The following PRKX variants were observed in gnomAD, a reference collection of about 807,000 sequenced individuals.
The protein encoded by PRKX is protein kinase cAMP-dependent X-linked catalytic subunit, also known as cAMP-dependent protein kinase catalytic subunit PRKX.
Under a neutral mutation model 22.0 loss-of-function variants are expected in PRKX, and 12 were observed. That is an observed-to-expected ratio of 0.54 (90% CI 0.35 to 0.88). PRKX has a LOEUF of 0.88. PRKX is among the 40% of genes least tolerant of loss of function. The probability of loss-of-function intolerance (pLI) is 0.01; values close to 1 mark genes in which losing one functional copy is unlikely to be tolerated. For synonymous variants in PRKX, 134 were observed against 137.7 expected (o/e 0.97, Z 0.19); for missense variants, 217 against 308.0 (o/e 0.70, Z 2.21).
chrX:3,623,086 A>G (rs1468244140), intron 5 of PRKX, among the ~76,000 whole-genome samples: 2 of 88,513 alleles, frequency 2.3e-5, no homozygotes, highest in Non-Finnish European at 5.0e-5. Flanking sequence ...GGTGTAAATT[A>G]TAGGGGGGAA....
In PRKX at chrX:3,624,588, C is replaced by CAT. The variant is rs758867008; in HGVS notation, c.815+1829_815+1830dup. On this transcript the variant is annotated intron_variant, in intron 5 of 8. Transcript: ENST00000262848. The stretch of plus-strand genomic sequence containing the variant: ...TCCACAGAACATTGGAAACCCCCCC[C>CAT]ATATATATATATAATTATATCTTTT... Among the ~76,000 whole-genome samples, 23 of 109,431 alleles carry CAT rather than the reference C, an allele frequency of 2.1e-4. No homozygotes were observed. In the South Asian group the frequency reaches 3.1e-3, roughly 15 times the overall value.
rs1926646039 is a variant in PRKX, at chrX:3,625,664, TG to T, written c.815+754del. Among the ~76,000 whole-genome samples, 5 of 110,881 alleles carry T rather than the reference TG, an allele frequency of 4.5e-5. No individual in the cohort carries two copies. In the Middle Eastern group the frequency reaches 0.014, roughly 308 times the overall value. Reference sequence around the variant, plus strand: ...TCAGCTCACTGCAACCTCCGCCTCCTGGGTTCAAGCGATTCCGCTGTCTCAG... The same window carrying T: ...TCAGCTCACTGCAACCTCCGCCTCCTGGTTCAAGCGATTCCGCTGTCTCAG... On this transcript the variant is annotated intron_variant, in intron 5 of 8. Coordinates refer to ENST00000262848, the MANE Select transcript of PRKX (RefSeq NM_005044.5).
In PRKX at chrX:3,692,172, G is replaced by A. The variant is rs1252690664; in HGVS notation, c.167-17406C>T. ...CAGAAAGAGAGAGACTGACTCTCAC[G>A]CTAAAGCAGGTTCTCTCAGCCTAGC... On this transcript the variant is annotated intron_variant, in intron 1 of 8. Coordinates refer to ENST00000262848, the MANE Select transcript of PRKX (RefSeq NM_005044.5). Among the ~76,000 whole-genome samples, 12 of 109,087 alleles carry A rather than the reference G, an allele frequency of 1.1e-4. No individual in the cohort carries two copies. The South Asian group carries it at 1.6e-3, about 15-fold the overall frequency. 94.7% of individuals were successfully genotyped at this position (109,087 alleles called of 115,157 possible).
At chrX:3,609,454 CCCAG>C (rs1218527855) in intron 8 of PRKX, among the ~76,000 whole-genome samples, 1 of 110,503 alleles carries the variant, frequency 9.0e-6, no homozygotes, top group Non-Finnish European at 1.9e-5. Context: ...AGCCACCTCG[CCCAG>C]CCCTGTTTTC....
chrX:3,699,194 G>A lies in PRKX; in HGVS notation c.166+13894C>T, dbSNP rs1168695041. 2.8e-5 allele frequency among the ~76,000 whole-genome samples: 3 copies of A among 106,921 alleles called. No individual in the cohort carries two copies. The South Asian group carries it at 1.3e-3, about 45-fold the overall frequency. The allele number at this position is 106,921 out of a possible 115,157, so 92.8% of individuals were successfully genotyped here. A position where few individuals can be genotyped will look rare whatever the true frequency, so the allele number is the denominator to read the frequency against. ...TGGGACTACAGGCGTGCACCACTAC[G>A]CCCGGCTAATTTTTTGCATTTTAGG... On this transcript the variant is annotated intron_variant, in intron 1 of 8. Coordinates refer to ENST00000262848, the MANE Select transcript of PRKX (RefSeq NM_005044.5).
chrX:3,643,121 C>CA, intron 3 of PRKX, among the ~76,000 whole-genome samples: 2 of 97,578 alleles, frequency 2.0e-5, no homozygotes, highest in Non-Finnish European at 4.1e-5. Context: ...CCCCCACCCC[C>CA]CAAAAAAACA....
chrX:3,613,260 A>C (rs1184089057), intron 7 of PRKX, among the ~76,000 whole-genome samples: 2 of 109,338 alleles, frequency 1.8e-5, no homozygotes, highest in Admixed American at 1.0e-4. Context: ...GACTATAATA[A>C]TGTACATACT....
At chrX:3,675,273 G>A (rs745548415) in intron 1 of PRKX, among the ~76,000 whole-genome samples, 19 of 111,412 alleles carry the variant, frequency 1.7e-4, no homozygotes, top group Non-Finnish European at 2.4e-4. Flanking sequence ...CTCAAAGTAC[G>A]GAGTCCGTAT....
intron 7 of PRKX, among the ~76,000 whole-genome samples, chrX:3,615,071 T>C (rs1926390837): frequency 2.2e-5 from 2 of 89,973 alleles, no homozygotes; most frequent in South Asian, 1.3e-3. Flanking sequence ...CAGGCTGGAG[T>C]GCAGTGGCAT....
Position 3,626,739 on chromosome X carries a change from G to A in PRKX, c.720-225C>T, listed in dbSNP as rs1603473315. Among the ~76,000 whole-genome samples the A allele has an allele frequency of 4.5e-5, 5 of 111,017 alleles. No individual in the cohort carries two copies. In the Admixed American group the frequency reaches 4.8e-4, roughly 11 times the overall value. ...GTCCGATGCAGGGGAAGCTCCCTTG[G>A]AGAGAATATAAAGACCATTTGAGAG... On this transcript the variant is annotated intron_variant, in intron 4 of 8. Transcript: ENST00000262848.
Position 3,655,403 on chromosome X carries a change from C to G in PRKX, c.345G>C (p.Thr115=). 1.6e-6 allele frequency: 2 copies of G among 1,212,299 alleles called. No homozygotes were observed. Among genetic ancestry groups the G allele is most frequent in the African/African-American group, 1.7e-5 (1 of 57,972 alleles). ...TGTAGAGGAAGCGCTCGTCATGCCACGTCCAGAACCTGCGGGGACAGACAG... is the reference window on the plus strand; with the variant it reads ...TGTAGAGGAAGCGCTCGTCATGCCAGGTCCAGAACCTGCGGGGACAGACAG... The part of the protein sequence containing the change: ...SHPFLIRLFW[T]WHDERFLYML... The change falls in exon 3 of 9, where the codon ACG becomes ACC. Residue 115 remains threonine, a synonymous_variant. Coordinates refer to ENST00000262848, the MANE Select transcript of PRKX (RefSeq NM_005044.5).
intron 1 of PRKX, among the ~76,000 whole-genome samples, 173 bp from the exon 2 acceptor site, chrX:3,674,939 C>T (rs1927920951): frequency 9.0e-6 from 1 of 111,026 alleles, no homozygotes; most frequent in Non-Finnish European, 1.9e-5. Context: ...TAGTGAGAGG[C>T]GCTCACCTGG....
chrX:3,682,607 A>G (rs1256054586), intron 1 of PRKX, among the ~76,000 whole-genome samples: 1 of 111,739 alleles, frequency 8.9e-6, no homozygotes, highest in African/African-American at 3.3e-5. Flanking sequence ...TGAGTGGTGA[A>G]CTAATAAGGA....
intron 2 of PRKX, among the ~76,000 whole-genome samples, chrX:3,658,158 T>C (rs1445401460): frequency 9.1e-6 from 1 of 110,352 alleles, no homozygotes; most frequent in African/African-American, 3.3e-5. Flanking sequence ...GCCCAGCTAA[T>C]TTTTGTATTT....
intron 4 of PRKX, among the ~76,000 whole-genome samples, chrX:3,637,404 A>C (rs1023754604): frequency 9.0e-6 from 1 of 111,374 alleles, no homozygotes; most frequent in African/African-American, 3.3e-5. Flanking sequence ...GGATGCCTGC[A>C]GCTGCTTCCA....
At position 3,657,443 on chromosome X, in the gene PRKX, C is replaced by T. The variant is rs912273390; in HGVS notation, c.336-2031G>A. Among the ~76,000 whole-genome samples the T allele has an allele frequency of 2.2e-4, 25 of 111,442 alleles. 1 individual carries two copies. Among genetic ancestry groups the T allele is most frequent in the Admixed American group, 2.1e-3 (22 of 10,404 alleles). On this transcript the variant is annotated intron_variant, in intron 2 of 8. Transcript: ENST00000262848. ...GTCTGCAAGCCAAGGAGAGAGGGCT[C>T]AGGAGGCACCAGCCCTGTTAAGACG...
At chrX:3,705,274 G>A (rs1159760290) in intron 1 of PRKX, among the ~76,000 whole-genome samples, 4 of 111,506 alleles carry the variant, frequency 3.6e-5, no homozygotes, top group African/African-American at 9.8e-5. Context: ...GGGTGAGGGA[G>A]CTCTCTGGGG....
At chrX:3,613,942 A>C (rs1409623114) in intron 7 of PRKX, among the ~76,000 whole-genome samples, 1 of 109,075 alleles carries the variant, frequency 9.2e-6, no homozygotes, top group East Asian at 2.9e-4. Context: ...ACTAGGAATA[A>C]GCATTTCTAA....
chrX:3,620,418 G>A (rs1267366798), intron 6 of PRKX, among the ~76,000 whole-genome samples: 1 of 112,235 alleles, frequency 8.9e-6, no homozygotes, highest in East Asian at 2.8e-4. Context: ...ATTAGTGGCT[G>A]CTTAGGGTAG....
Sources: allele counts gnomAD v4.1 joint callset (sites outside exome capture counted in the v4.1 genomes callset), GRCh38; gene constraint gnomAD v4.1.1; transcripts MANE v1.5; gene names NCBI Gene and HGNC (gene_info 2026-07-23, HGNC 2026-07-21).